UBA1: variants seen among roughly 807,000 people sequenced by gnomAD.
UBA1 encodes ubiquitin like modifier activating enzyme 1.
In UBA1, 4 loss-of-function variants were observed where a neutral mutation model predicts 84.7. That is an observed-to-expected ratio of 0.05 (90% CI 0.02 to 0.11). The LOEUF (loss-of-function observed/expected upper bound fraction) is 0.11. Ranked by LOEUF, UBA1 falls within the 10% of genes least tolerant of loss-of-function variation. The pLI, the probability that UBA1 is intolerant of heterozygous loss-of-function variation, is 1.00. For synonymous variants in UBA1, 364 were observed against 362.6 expected, an observed-to-expected ratio of 1.00 and a Z score of -0.04; for missense variants, 513 against 902.8, an observed-to-expected ratio of 0.57 and a Z score of 5.53.
At chrX:47,208,353 G>A (rs1222542773) in intron 16 of UBA1, among the ~76,000 whole-genome samples, 1 of 111,729 alleles carries the variant, frequency 9.0e-6, no homozygotes, top group African/African-American at 3.3e-5. Flanking sequence ...GCGCACGCAC[G>A]CGTGCCCGTT....
At chrX:47,194,690 C>T (rs1317822473) in intron 1 of UBA1, among the ~76,000 whole-genome samples, 6 of 112,085 alleles carry the variant, frequency 5.4e-5, no homozygotes, top group African/African-American at 1.6e-4. Context: ...CTGGCCCTAG[C>T]ATCTTCCATC....
At chrX:47,199,674 A>G in intron 5 of UBA1, 60 bp downstream of exon 5, 1 of 1,168,122 alleles carries the variant, frequency 8.6e-7, no homozygotes, top group Non-Finnish European at 1.2e-6. Context: ...TCTCTGGTTT[A>G]TTCAGTAGTG....
At chrX:47,199,417 G>A (rs782453743) in intron 4 of UBA1, 40 bp downstream of exon 4, 170 of 1,209,818 alleles carry the variant, frequency 1.4e-4, no homozygotes, top group East Asian at 6.5e-4. Flanking sequence ...CCCCCTTCCC[G>A]AGGCACCACT....
rs1936241019 is a variant in UBA1, at chrX:47,197,363, T to C, written c.1-1440T>C. On this transcript the variant is annotated intron_variant, in intron 1 of 25. Coordinates refer to ENST00000335972, the MANE Select transcript of UBA1 (RefSeq NM_003334.4). ...AGATTAGACAAAGCCCTTTCCTCTTTGATTGACACACAGTATGCTCTTGGT... is the reference window on the plus strand; with the variant it reads ...AGATTAGACAAAGCCCTTTCCTCTTCGATTGACACACAGTATGCTCTTGGT... 1.1e-5 allele frequency: 8 copies of C among 753,993 alleles called. No individual in the cohort carries two copies. In the South Asian group the frequency reaches 2.0e-4, roughly 19 times the overall value. The allele number at this position is 753,993 out of a possible 1,213,427, so 62.1% of individuals were successfully genotyped here.
chrX:47,212,580 G>C (rs782182867), intron 21 of UBA1, 68 bp downstream of exon 21: 5 of 1,033,403 alleles, frequency 4.8e-6, no homozygotes, highest in Non-Finnish European at 6.7e-6. Flanking sequence ...GAAAACAGGA[G>C]TATCTGGAGC....
intron 15 of UBA1, 39 bp downstream of exon 15, chrX:47,206,152 TGTGTGTGTTTCG>T (rs1556790904): frequency 8.4e-7 from 1 of 1,185,299 alleles, no homozygotes. Context: ...CGGGCAAAGT[TGTGTGTGTTTCG>T]GTGTGTATAT....
intron 6 of UBA1, 124 bp from the exon 7 acceptor site, chrX:47,201,152 C>T: frequency 1.2e-6 from 1 of 803,219 alleles, no homozygotes; most frequent in South Asian, 2.2e-5. Context: ...GGCACAAGTA[C>T]CATCTTACAT....
intron 3 of UBA1, 41 bp downstream of exon 3, chrX:47,199,147 A>G (rs377093895): frequency 6.4e-5 from 77 of 1,210,867 alleles, no homozygotes; most frequent in Non-Finnish European, 7.9e-5. Context: ...GTGGAATGGG[A>G]CATTGAGAGG....
At chrX:47,194,504 G>T (rs925940665) in intron 1 of UBA1, among the ~76,000 whole-genome samples, 1 of 111,929 alleles carries the variant, frequency 8.9e-6, no homozygotes, top group Admixed American at 9.4e-5. Flanking sequence ...GGGTCCATAG[G>T]CCCTTTATCT....
chrX:47,210,378 G>C (rs2147288726), intron 18 of UBA1, among the ~76,000 whole-genome samples: 1 of 111,920 alleles, frequency 8.9e-6, no homozygotes, highest in Non-Finnish European at 1.9e-5. Context: ...AGGGATTATG[G>C]GGGAGAAATT....
Position 47,206,297 on chromosome X carries a change from G to A in UBA1, c.1791G>A (p.Glu597=), listed in dbSNP as rs372366129. The part of the protein sequence containing the change: ...RCVYYRKPLL[E]SGTLGTKGNV... ...TCTACTACCGGAAGCCACTGCTGGA[G>A]TCAGGCACACTGGGCACCAAAGGCA... Residue 597 remains glutamate (E), a synonymous_variant, in exon 16 of 26, where the codon GAG becomes GAA. Coordinates refer to ENST00000335972, the MANE Select transcript of UBA1 (RefSeq NM_003334.4). The A allele has an allele frequency of 8.0e-5, 97 of 1,209,424 alleles. No individual in the cohort carries two copies. The highest frequency in any genetic ancestry group is 1.0e-4 in the Non-Finnish European group (93 of 894,640).
At chrX:47,200,616 GCAGA>G (rs782624555) in intron 5 of UBA1, among the ~76,000 whole-genome samples, 3 of 112,206 alleles carry the variant, frequency 2.7e-5, no homozygotes, top group South Asian at 3.7e-4. Context: ...ACAGGGCATG[GCAGA>G]CAGACAGCAG....
Position 47,209,925 on chromosome X carries a change from T to TA in UBA1, c.2004-2dup. The TA allele has an allele frequency of 8.3e-7, 1 of 1,211,650 alleles. No individual in the cohort carries two copies. ...ATCCTCTGTCCTCTTCGATTCCTGA[T>TA]AGAGACCCCAAGTTTGTGGAGCGAA... On this transcript the variant is annotated splice_region_variant and splice_polypyrimidine_tract_variant and intron_variant, in intron 17 of 25. Transcript: ENST00000335972.
chrX:47,193,181 C>T (rs1457962756), upstream of UBA1, among the ~76,000 whole-genome samples: 1 of 111,940 alleles, frequency 8.9e-6, no homozygotes, highest in African/African-American at 3.3e-5. Context: ...GTTTCTTCGC[C>T]TTATGCATAA....
chrX:47,195,586 T>G (rs909377720), intron 1 of UBA1, among the ~76,000 whole-genome samples: 4 of 111,022 alleles, frequency 3.6e-5, no homozygotes. Context: ...TAGAAAACCC[T>G]CTTCTCAGCA....
At position 47,203,144 on chromosome X, in the gene UBA1, G is replaced by A; in HGVS notation, c.1349G>A (p.Arg450His). The A allele has an allele frequency of 5.8e-6, 7 of 1,211,716 alleles. No homozygotes were observed. The highest frequency in any genetic ancestry group is 5.9e-5 in the East Asian group (2 of 33,806). ...CTTTGCATTCCTTAGCGCCAGAACCGTTATGACGGGCAAGTGGCTGTGTTT... is the reference window on the plus strand; with the variant it reads ...CTTTGCATTCCTTAGCGCCAGAACCATTATGACGGGCAAGTGGCTGTGTTT... ...TEDKCLQRQNRYDGQVAVFGS... is the reference protein window; with the variant it reads ...TEDKCLQRQNHYDGQVAVFGS... The change falls in exon 13 of 26, where the codon CGT becomes CAT. Residue 450 changes from arginine to histidine, a missense_variant. Coordinates refer to ENST00000335972, the MANE Select transcript of UBA1 (RefSeq NM_003334.4).
intron 1 of UBA1, chrX:47,197,171 T>G: frequency 2.6e-6 from 2 of 754,930 alleles, no homozygotes; most frequent in Non-Finnish European, 1.6e-6. Flanking sequence ...CTGCCTCCCC[T>G]CATCTCCCAT....
Position 47,205,986 on chromosome X carries a change from A to T in UBA1, c.1614A>T (p.Gln538His), listed in dbSNP as rs782407651. 1 of 1,205,545 alleles carries T rather than the reference A, an allele frequency of 8.3e-7. No individual in the cohort carries two copies. Among genetic ancestry groups the T allele is most frequent in the Non-Finnish European group, 1.1e-6 (1 of 892,254 alleles). Reference sequence around the variant, plus strand: ...ACACGGCTGCTGCAGCTGTGCGCCAAATGAATCCACATATCCGGGTGACAA... The same window carrying T: ...ACACGGCTGCTGCAGCTGTGCGCCATATGAATCCACATATCCGGGTGACAA... ...KSDTAAAAVR[Q>H]MNPHIRVTSH... Residue 538 changes from glutamine to histidine, a missense_variant, in exon 15 of 26, where the codon CAA becomes CAT. Transcript: ENST00000335972.
In UBA1 at chrX:47,203,125, A is replaced by G. The variant is rs782104383; in HGVS notation, c.1339-9A>G. 5 of 1,211,139 alleles carry G rather than the reference A, an allele frequency of 4.1e-6. No individual in the cohort carries two copies. Among genetic ancestry groups the G allele is most frequent in the Non-Finnish European group, 5.6e-6 (5 of 895,253 alleles). ...GCCTCTCTAACCCTCCTCCCTTTGC[A>G]TTCCTTAGCGCCAGAACCGTTATGA... is the stretch of plus-strand genomic sequence containing the variant. On this transcript the variant is annotated splice_polypyrimidine_tract_variant and intron_variant, in intron 12 of 25. Transcript: ENST00000335972.
Sources: gnomAD v4.1 joint callset for allele counts (sites outside exome capture counted in the v4.1 genomes callset) on GRCh38, gnomAD v4.1.1 for gene constraint, MANE v1.5 for transcripts, NCBI Gene and HGNC (gene_info 2026-07-23, HGNC 2026-07-21) for gene names.